VAV3: variants seen among roughly 807,000 people sequenced by gnomAD.
VAV3 encodes guanine nucleotide exchange factor VAV3.
Under a neutral mutation model 131.2 loss-of-function variants are expected in VAV3, and 94 were observed. That is an observed-to-expected ratio of 0.72 (90% CI 0.61 to 0.85). The LOEUF is 0.85. Among genes scored for constraint, VAV3 ranks in the 40% least tolerant of loss-of-function variants. The pLI, the probability that VAV3 is intolerant of heterozygous loss-of-function variation, is 0.00. For synonymous variants in VAV3, 349 were observed against 342.0 expected, an observed-to-expected ratio of 1.02 and a Z score of -0.22; for missense variants, 939 against 1,002.7, an observed-to-expected ratio of 0.94 and a Z score of 0.86.
At chr1:107,578,895 A>C (rs1649840788) in intron 25 of VAV3, 1 of 985,130 alleles carries the variant, frequency 1.0e-6, no homozygotes, top group Non-Finnish European at 1.2e-6. Flanking sequence ...GCTCTAGAAG[A>C]GAGAAATGAT....
At chr1:107,853,343 G>A (rs1257100621) in intron 2 of VAV3, among the ~76,000 whole-genome samples, 1 of 152,110 alleles carries the variant, frequency 6.6e-6, no homozygotes, top group African/African-American at 2.4e-5. Context: ...TGCAACATAG[G>A]AGACAAGTGT....
intron 1 of VAV3, among the ~76,000 whole-genome samples, chr1:107,927,698 G>A (rs1049038258): frequency 6.6e-6 from 1 of 151,842 alleles, no homozygotes; most frequent in Non-Finnish European, 1.5e-5. Flanking sequence ...CTCTGCCTGT[G>A]GAAAGGGGAG....
intron 2 of VAV3, among the ~76,000 whole-genome samples, chr1:107,808,991 T>G (rs1481661652): frequency 6.6e-6 from 1 of 152,162 alleles, no homozygotes; most frequent in Non-Finnish European, 1.5e-5. Flanking sequence ...TTTTTATAAC[T>G]TCCCTAGAAA....
intron 20 of VAV3, among the ~76,000 whole-genome samples, chr1:107,632,048 A>G (rs895799641): frequency 6.6e-6 from 1 of 152,118 alleles, no homozygotes; most frequent in African/African-American, 2.4e-5. Flanking sequence ...CTGAGGAATC[A>G]CCACACTGAC....
chr1:107,953,126 C>A lies in VAV3; in HGVS notation c.204+11540G>T, dbSNP rs115218937. Among the ~76,000 whole-genome samples, 1,212 of 152,286 alleles carry A rather than the reference C, an allele frequency of 8.0e-3. 8 individuals carry two copies. The highest frequency in any genetic ancestry group is 0.012 in the Non-Finnish European group (806 of 68,020). On this transcript the variant is annotated intron_variant, in intron 1 of 26. Coordinates refer to ENST00000370056, the MANE Select transcript of VAV3 (RefSeq NM_006113.5). Reference sequence around the variant, plus strand: ...TTGGCAGCAGGAACGGGAAACTTCACCGAATCTGGAATTAGGACAGTTGGA... The same window carrying A: ...TTGGCAGCAGGAACGGGAAACTTCAACGAATCTGGAATTAGGACAGTTGGA...
At chr1:107,608,354 GA>G (rs899123504) in intron 22 of VAV3, among the ~76,000 whole-genome samples, 4 of 152,104 alleles carry the variant, frequency 2.6e-5, no homozygotes, top group African/African-American at 7.2e-5. Context: ...CCAGTTACAT[GA>G]AAAATGGTAT....
chr1:107,669,367 C>A, intron 19 of VAV3: 1 of 1,289,760 alleles, frequency 7.8e-7, no homozygotes, highest in Non-Finnish European at 1.0e-6. Flanking sequence ...CTCAAGGCTG[C>A]ATTTTCACCC....
intron 2 of VAV3, among the ~76,000 whole-genome samples, chr1:107,811,129 A>C (rs1044848351): frequency 6.6e-6 from 1 of 152,194 alleles, no homozygotes. Context: ...GAGAAGATGA[A>C]AGAAATAACA....
intron 1 of VAV3, among the ~76,000 whole-genome samples, chr1:107,922,967 A>G (rs1318028947): frequency 6.4e-5 from 9 of 141,272 alleles, no homozygotes; most frequent in Admixed American, 4.2e-4. Flanking sequence ...AAAAAAAGAA[A>G]AAAAAAAAAA....
chr1:107,875,396 A>G (rs1478940806), intron 1 of VAV3, among the ~76,000 whole-genome samples: 1 of 152,132 alleles, frequency 6.6e-6, no homozygotes, highest in East Asian at 1.9e-4. Flanking sequence ...CTTAAACAGG[A>G]TGGTTAGAGA....
intron 10 of VAV3, among the ~76,000 whole-genome samples, chr1:107,760,400 T>C (rs998769499): frequency 6.6e-6 from 1 of 152,198 alleles, no homozygotes; most frequent in Non-Finnish European, 1.5e-5. Flanking sequence ...TGGCTTACTG[T>C]TACAAGGGAA....
chr1:107,600,044 C>T (rs2101091420), intron 24 of VAV3, among the ~76,000 whole-genome samples: 1 of 152,140 alleles, frequency 6.6e-6, no homozygotes, highest in Non-Finnish European at 1.5e-5. Flanking sequence ...GCCATTCCTT[C>T]TGACCAAGTA....
At chr1:107,963,253 C>G (rs1675224034) in intron 1 of VAV3, among the ~76,000 whole-genome samples, 1 of 152,082 alleles carries the variant, frequency 6.6e-6, no homozygotes, top group South Asian at 2.1e-4. Flanking sequence ...AGGCTACAGG[C>G]AAAGTGGAAA....
At chr1:107,597,855 C>A (rs372556087) in intron 24 of VAV3, among the ~76,000 whole-genome samples, 42 of 152,126 alleles carry the variant, frequency 2.8e-4, no homozygotes, top group African/African-American at 9.9e-4. Flanking sequence ...TAACAGCTAC[C>A]CCATTATCCC....
chr1:107,820,846 A>C (rs1000337834), intron 2 of VAV3: 4 of 152,170 alleles, frequency 2.6e-5, no homozygotes, highest in Admixed American at 6.5e-5. Context: ...TAGAAGAAAA[A>C]ATAGGAGCTT....
In VAV3 at chr1:107,573,946, T is replaced by C. The variant is rs372138741; in HGVS notation, c.2502+101A>G. On this transcript the variant is annotated intron_variant, in intron 26 of 26. Transcript: ENST00000370056. Reference sequence around the variant, plus strand: ...GCAGAGGCCTGTGGGCTGAAAGCTGTAATACAGTATAGAGGCTTCTCCCTG... The same window carrying C: ...GCAGAGGCCTGTGGGCTGAAAGCTGCAATACAGTATAGAGGCTTCTCCCTG... The C allele has an allele frequency of 1.8e-4, 268 of 1,479,078 alleles. No individual in the cohort carries two copies. The African/African-American group carries it at 3.2e-3, about 18-fold the overall frequency. The allele number at this position is 1,479,078 out of a possible 1,614,324, so 91.6% of individuals were successfully genotyped here. A position where few individuals can be genotyped will look rare whatever the true frequency, so the allele number is the denominator to read the frequency against.
intron 1 of VAV3, chr1:107,897,286 T>C (rs1481805620): frequency 3.3e-5 from 5 of 150,952 alleles, no homozygotes; most frequent in African/African-American, 9.7e-5. Flanking sequence ...CATATGTATG[T>C]AGTAGTCAAA....
chr1:107,887,363 C>T (rs538414376), intron 1 of VAV3, among the ~76,000 whole-genome samples: 1 of 152,186 alleles, frequency 6.6e-6, no homozygotes, highest in Non-Finnish European at 1.5e-5. Flanking sequence ...ATCAATAATA[C>T]TCTCATAAAT....
rs560463720 is a variant in VAV3, at chr1:107,596,236, T to C, written c.2326A>G (p.Arg776Gly). The C allele has an allele frequency of 7.4e-6, 12 of 1,613,552 alleles. No homozygotes were observed. In the African/African-American group the frequency reaches 1.6e-4, roughly 22 times the overall value. ...CAGCTGTTGCCTGCTCTATTACCCC[T>C]CTGTCCAGCTGAATGTTCTGGCTCC... ...YKEPEHSAGQ[R>G]GNRAGNSLLS... is the part of the protein sequence containing the mutation. Residue 776 changes from arginine to glycine, a missense_variant, in exon 25 of 27, where the codon AGG becomes GGG. Arg to Gly is a moderately radical substitution (Grantham distance 125, BLOSUM62 -2). Coordinates refer to ENST00000370056, the MANE Select transcript of VAV3 (RefSeq NM_006113.5).
Sources: gnomAD v4.1 joint callset for allele counts (sites outside exome capture counted in the v4.1 genomes callset) on GRCh38, gnomAD v4.1.1 for gene constraint, MANE v1.5 for transcripts, NCBI Gene and HGNC (gene_info 2026-07-23, HGNC 2026-07-21) for gene names.